NLGN1: variants seen among roughly 807,000 people sequenced by gnomAD.
NLGN1 encodes neuroligin 1.
A neutral mutation model predicts 65.5 loss-of-function variants in NLGN1; 12 were observed. That is an observed-to-expected ratio of 0.18 (90% CI 0.12 to 0.30). The LOEUF (loss-of-function observed/expected upper bound fraction) is 0.30. NLGN1 is among the 10% of genes least tolerant of loss of function. The probability of loss-of-function intolerance (pLI) is 1.00; values close to 1 mark genes in which losing one functional copy is unlikely to be tolerated. For synonymous variants in NLGN1, 350 were observed against 359.5 expected (o/e 0.97, Z 0.30); for missense variants, 750 against 1,007.1 (o/e 0.74, Z 3.46).
At chr3:174,246,457 T>A (rs1454750714) in intron 4 of NLGN1, among the ~76,000 whole-genome samples, 1 of 152,182 alleles carries the variant, frequency 6.6e-6, no homozygotes, top group Admixed American at 6.5e-5. Flanking sequence ...TCTCACTCTG[T>A]CACTTAGGCT....
chr3:174,216,836 C>G (rs142238221), intron 4 of NLGN1, among the ~76,000 whole-genome samples: 1 of 152,172 alleles, frequency 6.6e-6, no homozygotes, highest in Non-Finnish European at 1.5e-5. Flanking sequence ...ATTGACCTGT[C>G]AGTTACCTGA....
intron 4 of NLGN1, among the ~76,000 whole-genome samples, chr3:174,076,119 G>C (rs913501508): frequency 2.6e-5 from 4 of 152,070 alleles, no homozygotes; most frequent in Non-Finnish European, 5.9e-5. Context: ...AATTTGACCA[G>C]TGGTTTTAAA....
At chr3:173,431,800 A>G (rs1403793870) in intron 1 of NLGN1, among the ~76,000 whole-genome samples, 1 of 152,172 alleles carries the variant, frequency 6.6e-6, no homozygotes, top group Non-Finnish European at 1.5e-5. Flanking sequence ...TAAATGTATC[A>G]TGATATATGC....
chr3:173,915,834 C>T (rs1038553244), intron 4 of NLGN1, among the ~76,000 whole-genome samples: 4 of 151,004 alleles, frequency 2.6e-5, no homozygotes, highest in African/African-American at 9.9e-5. Flanking sequence ...TTTCAAGGAC[C>T]ATGTAGCTTT....
chr3:173,984,573 A>G (rs1579574075), intron 4 of NLGN1, among the ~76,000 whole-genome samples: 2 of 152,194 alleles, frequency 1.3e-5, no homozygotes, highest in Admixed American at 6.5e-5. Flanking sequence ...AAATACTAAC[A>G]AACTTCCAGG....
chr3:173,529,371 C>T (rs575160045), intron 2 of NLGN1, among the ~76,000 whole-genome samples: 30 of 152,258 alleles, frequency 2.0e-4, no homozygotes, highest in Non-Finnish European at 3.1e-4. Context: ...CTGGGCAGCC[C>T]TGTTCGGGGT....
rs186741074 is a variant in NLGN1 at position 174,141,184 on chromosome 3, A to T, written c.647-134131A>T. 3.3e-5 allele frequency among the ~76,000 whole-genome samples: 5 copies of T among 152,270 alleles called. No individual in the cohort carries two copies. The East Asian group carries it at 9.6e-4, about 29-fold the overall frequency. On this transcript the variant is annotated intron_variant, in intron 4 of 6. Transcript: ENST00000457714. ...AGTTTTTACACTGTTTTATATTAAGAAATTAACAAGAAAAAGACTTTTTTT... is the reference window on the plus strand; with the variant it reads ...AGTTTTTACACTGTTTTATATTAAGTAATTAACAAGAAAAAGACTTTTTTT...
chr3:173,880,831 G>A (rs949005373), intron 4 of NLGN1, among the ~76,000 whole-genome samples: 1 of 152,056 alleles, frequency 6.6e-6, no homozygotes, highest in Non-Finnish European at 1.5e-5. Flanking sequence ...AGCATTCAGT[G>A]ATGTTTGATA....
chr3:173,467,649 A>C (rs1016392856), intron 2 of NLGN1, among the ~76,000 whole-genome samples: 3 of 152,146 alleles, frequency 2.0e-5, no homozygotes, highest in Admixed American at 6.6e-5. Context: ...CATCATGTTT[A>C]TAAGTGAGAT....
chr3:173,427,612 T>C (rs1373822525), intron 1 of NLGN1, among the ~76,000 whole-genome samples: 1 of 151,966 alleles, frequency 6.6e-6, no homozygotes, highest in Non-Finnish European at 1.5e-5. Flanking sequence ...CATGTATCTG[T>C]GCAATTTCCA....
intron 3 of NLGN1, among the ~76,000 whole-genome samples, chr3:173,649,409 G>A (rs1379950884): frequency 6.6e-6 from 1 of 152,018 alleles, no homozygotes; most frequent in Non-Finnish European, 1.5e-5. Flanking sequence ...ACATATACAT[G>A]TCATACATAT....
intron 4 of NLGN1, among the ~76,000 whole-genome samples, chr3:174,106,743 G>T (rs1466921804): frequency 6.6e-6 from 1 of 151,960 alleles, no homozygotes; most frequent in Admixed American, 6.6e-5. Flanking sequence ...GCAAGCTGGA[G>T]AACTCAGAGA....
chr3:173,665,450 C>T (rs1761558153), intron 3 of NLGN1, among the ~76,000 whole-genome samples: 2 of 152,098 alleles, frequency 1.3e-5, no homozygotes, highest in Admixed American at 1.3e-4. Context: ...TCTTTATTAG[C>T]AGCTTGAGAA....
chr3:173,717,589 G>A (rs1770085010), intron 3 of NLGN1, among the ~76,000 whole-genome samples: 1 of 152,024 alleles, frequency 6.6e-6, no homozygotes, highest in Admixed American at 6.6e-5. Context: ...GCAATGAATT[G>A]TATTTTCTTT....
At chr3:174,087,173 A>G (rs1743583061) in intron 4 of NLGN1, among the ~76,000 whole-genome samples, 1 of 152,178 alleles carries the variant, frequency 6.6e-6, no homozygotes, top group African/African-American at 2.4e-5. Flanking sequence ...ATTGGGTACT[A>G]GGCGTCGTAC....
At chr3:174,172,591 T>G (rs1030439644) in intron 4 of NLGN1, among the ~76,000 whole-genome samples, 19 of 152,136 alleles carry the variant, frequency 1.2e-4, no homozygotes, top group African/African-American at 4.3e-4. Flanking sequence ...CCCCAGTGTA[T>G]GTTCTTGGCA....
intron 4 of NLGN1, among the ~76,000 whole-genome samples, chr3:173,843,677 A>C (rs1341206205): frequency 6.6e-6 from 1 of 152,166 alleles, no homozygotes; most frequent in African/African-American, 2.4e-5. Flanking sequence ...TCCATCTGAG[A>C]CCATCTCAGC....
chr3:173,569,905 T>G (rs1744355946), intron 2 of NLGN1, among the ~76,000 whole-genome samples: 2 of 152,212 alleles, frequency 1.3e-5, no homozygotes, highest in African/African-American at 4.8e-5. Context: ...CAGATAGCAT[T>G]CATTCATTCA....
At chr3:173,731,642 T>C (rs914699685) in intron 3 of NLGN1, among the ~76,000 whole-genome samples, 1 of 152,134 alleles carries the variant, frequency 6.6e-6, no homozygotes, top group South Asian at 2.1e-4. Context: ...TCAGGTTCCT[T>C]CTTCAATCTG....
Sources: gnomAD v4.1 joint callset for allele counts (sites outside exome capture counted in the v4.1 genomes callset) on GRCh38, gnomAD v4.1.1 for gene constraint, MANE v1.5 for transcripts, NCBI Gene and HGNC (gene_info 2026-07-23, HGNC 2026-07-21) for gene names.